The following CRACD variants were observed in gnomAD, a reference collection of about 807,000 sequenced individuals.
The protein encoded by CRACD is capping protein-inhibiting regulator of actin dynamics.
Under a neutral mutation model 106.8 loss-of-function variants are expected in CRACD, and 56 were observed. The observed-to-expected ratio is 0.52, with a 90% CI of 0.42 to 0.66. The LOEUF is 0.66. CRACD is among the 30% of genes least tolerant of loss of function. CRACD has a pLI of 0.00. For missense variants in CRACD, 1,730 were observed against 1,623.2 expected, an observed-to-expected ratio of 1.07 and a Z score of -1.13; for synonymous variants, 754 against 670.8, an observed-to-expected ratio of 1.12 and a Z score of -1.92.
chr4:56,327,433 C>G (rs1746520302), intron 10 of CRACD, among the ~76,000 whole-genome samples: 1 of 152,096 alleles, frequency 6.6e-6, no homozygotes, highest in South Asian at 2.1e-4. Flanking sequence ...TTTAAATGCT[C>G]TCACCATAAA....
chr4:56,250,374 C>T (rs1740980279), intron 2 of CRACD, among the ~76,000 whole-genome samples: 1 of 152,122 alleles, frequency 6.6e-6, no homozygotes, highest in Admixed American at 6.6e-5. Flanking sequence ...CTACTAGGTG[C>T]TTTATATACC....
intron 1 of CRACD, among the ~76,000 whole-genome samples, chr4:56,128,991 AT>A (rs1406817036): frequency 1.3e-5 from 2 of 152,118 alleles, no homozygotes; most frequent in Non-Finnish European, 2.9e-5. Flanking sequence ...TTTGGGACCT[AT>A]TTTTAAAAAA....
At chr4:56,293,054 T>C (rs1743788174) in intron 3 of CRACD, among the ~76,000 whole-genome samples, 1 of 152,182 alleles carries the variant, frequency 6.6e-6, no homozygotes, top group Non-Finnish European at 1.5e-5. Context: ...TAAGTGGAAA[T>C]TTGAGATCTA....
Position 56,314,899 on chromosome 4 carries a change from G to A in CRACD, c.1397G>A (p.Gly466Glu). The change falls in exon 8 of 11, where the codon GGA becomes GAA. Residue 466 changes from glycine (G) to glutamate (E), a missense_variant. By Grantham distance (98) the Gly-to-Glu change is moderately conservative. Transcript: ENST00000682029. This position sits in a 1 kb window ranked among gnomAD's most constrained non-coding sequence, Gnocchi z 4.4. ...GCCGAGCGGCGAAGAGAGCAGCAGGGAAGGAGCGGGGATTTCCAGGGGGCC... is the reference window on the plus strand; with the variant it reads ...GCCGAGCGGCGAAGAGAGCAGCAGGAAAGGAGCGGGGATTTCCAGGGGGCC... ...PEAERRREQQGRSGDFQGADR... is the reference protein window; with the variant it reads ...PEAERRREQQERSGDFQGADR... The A allele has an allele frequency of 6.2e-7, 1 of 1,609,564 alleles. No homozygotes were observed. Among genetic ancestry groups the A allele is most frequent in the South Asian group, 1.1e-5 (1 of 89,674 alleles).
chr4:56,161,598 C>A (rs1187723908), intron 1 of CRACD, among the ~76,000 whole-genome samples: 1 of 151,602 alleles, frequency 6.6e-6, no homozygotes, highest in East Asian at 1.9e-4. Flanking sequence ...ATTAAAGGCA[C>A]CTGCCACAAC....
At chr4:56,252,977 G>A (rs17086547) in intron 2 of CRACD, among the ~76,000 whole-genome samples, 4,193 of 152,304 alleles carry the variant, frequency 0.028, 89 homozygotes, top group South Asian at 0.096. Context: ...AGGTTCACAT[G>A]TTAGTCACTC....
At chr4:56,285,587 G>T (rs775184916) in intron 3 of CRACD, among the ~76,000 whole-genome samples, 1 of 151,980 alleles carries the variant, frequency 6.6e-6, no homozygotes, top group South Asian at 2.1e-4. Flanking sequence ...CAACAGGCAC[G>T]GGCCACCACG....
chr4:56,118,336 G>T (rs572739759), intron 1 of CRACD, among the ~76,000 whole-genome samples: 2 of 152,122 alleles, frequency 1.3e-5, no homozygotes, highest in Non-Finnish European at 2.9e-5. Context: ...ACACTTACTG[G>T]TACTATACTT....
chr4:56,281,539 G>A (rs771611640), intron 3 of CRACD, among the ~76,000 whole-genome samples: 12 of 124,946 alleles, frequency 9.6e-5, no homozygotes, highest in African/African-American at 2.5e-4. Flanking sequence ...TAGCGCCTTC[G>A]TCTCCCAGGA....
chr4:56,280,143 T>G (rs1742941235), intron 3 of CRACD, among the ~76,000 whole-genome samples: 1 of 82,264 alleles, frequency 1.2e-5, no homozygotes, highest in East Asian at 4.4e-4. Flanking sequence ...GGGCCTGTTG[T>G]GGGGTGGGGG....
At position 56,316,060 on chromosome 4, in the gene CRACD, A is replaced by G. The variant is rs1560538620; in HGVS notation, c.2558A>G (p.Asn853Ser). The stretch of plus-strand genomic sequence containing the variant: ...TTTGGAATAAAATTGAGAAGGACCA[A>G]CTATTCCTTGCGCTTCAACTGCGAC... The part of the protein sequence containing the change: ...SPFGIKLRRT[N>S]YSLRFNCDQQ... The change falls in exon 8 of 11, where the codon AAC (asparagine) becomes AGC (serine). Residue 853 changes from asparagine (N) to serine (S), a missense_variant. Coordinates refer to ENST00000682029, the MANE Select transcript of CRACD (RefSeq NM_001393381.1). 2.5e-6 allele frequency: 4 copies of G among 1,614,204 alleles called. No individual in the cohort carries two copies. Among genetic ancestry groups the G allele is most frequent in the African/African-American group, 1.3e-5 (1 of 75,058 alleles).
intron 1 of CRACD, among the ~76,000 whole-genome samples, chr4:56,066,384 G>A (rs12651631): frequency 0.23 from 35,005 of 151,928 alleles, 4,739 homozygotes; most frequent in Non-Finnish European, 0.29. Context: ...GTGGTCAGAA[G>A]CTTATCTAAA....
chr4:56,182,861 A>ATGTG (rs763638808), intron 2 of CRACD, among the ~76,000 whole-genome samples: 1,074 of 101,966 alleles, frequency 0.011, 18 homozygotes, highest in African/African-American at 0.034. Flanking sequence ...GAAAAAAAAG[A>ATGTG]TATGTGTGTG....
chr4:56,073,760 A>T (rs1455214326), intron 1 of CRACD, among the ~76,000 whole-genome samples: 1 of 147,480 alleles, frequency 6.8e-6, no homozygotes, highest in Admixed American at 6.8e-5. Flanking sequence ...TTGGTATTTT[A>T]GTCATGAAGC....
At chr4:56,053,051 TAG>T (rs879399425) in intron 1 of CRACD, among the ~76,000 whole-genome samples, 3 of 152,202 alleles carry the variant, frequency 2.0e-5, no homozygotes, top group African/African-American at 4.8e-5. Context: ...GTTTTTGTGA[TAG>T]AGTCAATTAA....
intron 2 of CRACD, among the ~76,000 whole-genome samples, chr4:56,251,842 T>G (rs1741071500): frequency 6.6e-6 from 1 of 152,112 alleles, no homozygotes; most frequent in African/African-American, 2.4e-5. Context: ...GATAAATCAT[T>G]GTTGACTCTT....
intron 3 of CRACD, among the ~76,000 whole-genome samples, chr4:56,283,952 C>T (rs966828100): frequency 2.0e-5 from 3 of 152,148 alleles, no homozygotes; most frequent in Admixed American, 1.3e-4. Context: ...TCAAAAGAAA[C>T]CTTGAGAGAG....
chr4:56,324,066 T>C (rs764801948), intron 9 of CRACD, 38 bp from the exon 10 acceptor site: 1 of 1,573,662 alleles, frequency 6.4e-7, no homozygotes, highest in South Asian at 1.2e-5. Flanking sequence ...TGTCTTAGGT[T>C]GAAAACATGT....
At chr4:56,100,613 G>C (rs547768727) in intron 1 of CRACD, among the ~76,000 whole-genome samples, 33 of 152,282 alleles carry the variant, frequency 2.2e-4, no homozygotes, top group African/African-American at 7.2e-4. Flanking sequence ...TCTTTACAGA[G>C]GTAATTAAGT....
Sources: allele counts gnomAD v4.1 joint callset (sites outside exome capture counted in the v4.1 genomes callset), GRCh38; gene constraint gnomAD v4.1.1; non-coding constraint Gnocchi (gnomAD v3.1); transcripts MANE v1.5; gene names NCBI Gene and HGNC (gene_info 2026-07-23, HGNC 2026-07-21).